The following RGL1 variants were observed in gnomAD, a reference collection of about 807,000 sequenced individuals.
RGL1 encodes ral guanine nucleotide dissociation stimulator like 1.
RGL1 carries 24 observed loss-of-function variants against 95.2 expected under a neutral mutation model. The observed-to-expected ratio is 0.25, with a 90% CI of 0.18 to 0.35. The LOEUF (loss-of-function observed/expected upper bound fraction) is 0.35. RGL1 is among the 10% of genes least tolerant of loss of function. The pLI is 1.00. For synonymous variants in RGL1, 329 were observed against 344.9 expected (o/e 0.95, Z 0.51); for missense variants, 715 against 936.3 (o/e 0.76, Z 3.08).
intron 4 of RGL1, among the ~76,000 whole-genome samples, chr1:183,871,759 T>C (rs1195881046): frequency 6.6e-6 from 1 of 152,238 alleles, no homozygotes; most frequent in Non-Finnish European, 1.5e-5. Flanking sequence ...AACCGACTAG[T>C]GTTCTTCATG....
chr1:183,664,559 C>T (rs571919401), intron 1 of RGL1, among the ~76,000 whole-genome samples: 1 of 142,380 alleles, frequency 7.0e-6, no homozygotes, highest in African/African-American at 2.6e-5. Context: ...CTAACTCTAA[C>T]TCCAGAGGGC....
intron 1 of RGL1, chr1:183,648,101 A>G (rs988377615): frequency 1.2e-6 from 2 of 1,614,144 alleles, no homozygotes; most frequent in Non-Finnish European, 1.7e-6. Flanking sequence ...CATTGATTTC[A>G]TATGCGTTGT....
chr1:183,726,710 A>G (rs920904165), intron 1 of RGL1, among the ~76,000 whole-genome samples: 3 of 152,170 alleles, frequency 2.0e-5, no homozygotes, highest in Admixed American at 6.6e-5. Context: ...AGTCAATTCT[A>G]TCAGACATTC....
chr1:183,859,621 G>C (rs189295894), intron 3 of RGL1, among the ~76,000 whole-genome samples: 1 of 152,310 alleles, frequency 6.6e-6, no homozygotes, highest in East Asian at 1.9e-4. Flanking sequence ...CAAAGGCCTA[G>C]AGGTGAGGAG....
chr1:183,850,753 G>A (rs1197587394), intron 3 of RGL1, among the ~76,000 whole-genome samples: 1 of 152,024 alleles, frequency 6.6e-6, no homozygotes, highest in East Asian at 1.9e-4. Flanking sequence ...AAAATTATAT[G>A]AATTTTATCT....
At chr1:183,797,080 A>T (rs1215397764) in intron 2 of RGL1, among the ~76,000 whole-genome samples, 3 of 152,194 alleles carry the variant, frequency 2.0e-5, no homozygotes, top group African/African-American at 7.2e-5. Flanking sequence ...ATGTAATCCT[A>T]GCACTTTGGG....
intron 1 of RGL1, among the ~76,000 whole-genome samples, chr1:183,722,904 A>T (rs867314839): frequency 6.6e-6 from 1 of 152,334 alleles, no homozygotes; most frequent in Middle Eastern, 3.4e-3. Context: ...AGTGATAAAT[A>T]TGTGGGTAAA....
chr1:183,890,797 A>G (rs1409998025), intron 8 of RGL1, among the ~76,000 whole-genome samples: 5 of 152,120 alleles, frequency 3.3e-5, no homozygotes, highest in Non-Finnish European at 7.4e-5. Context: ...GTGGTTACCT[A>G]GGGCTGGGAC....
At chr1:183,822,059 G>A (rs1429337488) in intron 2 of RGL1, among the ~76,000 whole-genome samples, 2 of 152,100 alleles carry the variant, frequency 1.3e-5, no homozygotes, top group African/African-American at 4.8e-5. Flanking sequence ...ACTTTTGGCT[G>A]GGTTCTAAAT....
At chr1:183,857,758 C>T (rs1180321973) in intron 3 of RGL1, among the ~76,000 whole-genome samples, 1 of 152,250 alleles carries the variant, frequency 6.6e-6, no homozygotes, top group Non-Finnish European at 1.5e-5. Flanking sequence ...CTCTTCCCTG[C>T]TGGGTTGGTG....
intron 4 of RGL1, among the ~76,000 whole-genome samples, chr1:183,867,789 A>T (rs1665927983): frequency 6.6e-6 from 1 of 152,114 alleles, no homozygotes; most frequent in Admixed American, 6.5e-5. Context: ...ACTAGTGTTA[A>T]ATATTCATTT....
intron 1 of RGL1, among the ~76,000 whole-genome samples, chr1:183,689,049 A>G (rs1460470352): frequency 6.6e-6 from 1 of 152,196 alleles, no homozygotes; most frequent in Non-Finnish European, 1.5e-5. Context: ...AGATCATTAA[A>G]ATTAAAATTG....
At chr1:183,885,044 A>G in intron 7 of RGL1, 106 bp downstream of exon 7, 1 of 959,114 alleles carries the variant, frequency 1.0e-6, no homozygotes. Context: ...CAGTCAAAAG[A>G]CCATATATGA....
At chr1:183,752,028 A>T (rs1658033242) in intron 2 of RGL1, among the ~76,000 whole-genome samples, 1 of 152,034 alleles carries the variant, frequency 6.6e-6, no homozygotes, top group African/African-American at 2.4e-5. Context: ...TACTATACAT[A>T]TCTTATTTTT....
chr1:183,893,694 A>G (rs1379527774), intron 9 of RGL1, among the ~76,000 whole-genome samples: 2 of 151,744 alleles, frequency 1.3e-5, no homozygotes, highest in Admixed American at 6.6e-5. Flanking sequence ...CCTTTTCTGG[A>G]AGCCTTCCTT....
intron 2 of RGL1, among the ~76,000 whole-genome samples, chr1:183,819,907 C>T (rs1484199058): frequency 1.3e-5 from 2 of 151,858 alleles, no homozygotes; most frequent in African/African-American, 4.8e-5. Flanking sequence ...GCCTCAGCCT[C>T]CCGAGGGGCT....
intron 1 of RGL1, among the ~76,000 whole-genome samples, chr1:183,677,769 C>T (rs1374436306): frequency 1.3e-5 from 2 of 152,172 alleles, no homozygotes; most frequent in Non-Finnish European, 2.9e-5. Flanking sequence ...GTCAATGTCA[C>T]ATCACCATGA....
intron 1 of RGL1, among the ~76,000 whole-genome samples, chr1:183,674,724 G>T (rs2102061650): frequency 6.6e-6 from 1 of 152,338 alleles, no homozygotes; most frequent in Non-Finnish European, 1.5e-5. Flanking sequence ...AGGCAAGAGT[G>T]CATTATGTAC....
chr1:183,749,824 A>G (rs944420688), intron 2 of RGL1, among the ~76,000 whole-genome samples: 12 of 152,176 alleles, frequency 7.9e-5, no homozygotes, highest in Non-Finnish European at 1.6e-4. Context: ...TGATGAGCTT[A>G]GTTTGGCTGG....
Sources: allele counts gnomAD v4.1 joint callset (sites outside exome capture counted in the v4.1 genomes callset), GRCh38; gene constraint gnomAD v4.1.1; transcripts MANE v1.5; gene names NCBI Gene and HGNC (gene_info 2026-07-23, HGNC 2026-07-21).